CHRM3: variants seen among roughly 807,000 people sequenced by gnomAD.
CHRM3 encodes muscarinic acetylcholine receptor M3.
In CHRM3, 11 loss-of-function variants were observed where a neutral mutation model predicts 41.8. The ratio of observed to expected loss-of-function variants is 0.26; its 90% CI spans 0.17 to 0.44. The LOEUF is 0.44. Among genes scored for constraint, CHRM3 ranks in the 20% least tolerant of loss-of-function variants. The pLI is 1.00. For missense variants in CHRM3, 571 were observed against 745.4 expected (o/e 0.77, Z 2.72); for synonymous variants, 297 against 301.4 (o/e 0.99, Z 0.15).
intron 5 of CHRM3, among the ~76,000 whole-genome samples, chr1:239,804,380 G>A (rs1432700385): frequency 6.6e-6 from 1 of 151,906 alleles, no homozygotes; most frequent in Non-Finnish European, 1.5e-5. Context: ...ACTGCAATGT[G>A]GAAGTTGCTC....
At chr1:239,793,946 G>T (rs1669554443) in intron 5 of CHRM3, among the ~76,000 whole-genome samples, 1 of 149,938 alleles carries the variant, frequency 6.7e-6, no homozygotes. Context: ...CCAAATAGCT[G>T]GGACTAACAG....
At chr1:239,415,501 A>AT (rs1661424451) in intron 1 of CHRM3, among the ~76,000 whole-genome samples, 1 of 152,168 alleles carries the variant, frequency 6.6e-6, no homozygotes, top group African/African-American at 2.4e-5. Context: ...ATTAAGATAA[A>AT]TTAAGTCCAG....
chr1:239,874,764 T>C lies in CHRM3; in HGVS notation c.-19-32669T>C, dbSNP rs143105579. On this transcript the variant is annotated intron_variant, in intron 6 of 6. Coordinates refer to ENST00000676153, the MANE Select transcript of CHRM3 (RefSeq NM_001375978.1). ...CCCAGGCTGGAGTGCAATGGCGTGA[T>C]CTCGGCTCGCTGCAACCTCCACCTC... is the stretch of plus-strand genomic sequence containing the variant. 2.7e-3 allele frequency among the ~76,000 whole-genome samples: 414 copies of C among 152,030 alleles called. 16 individuals carry two copies. The East Asian group carries it at 0.065, about 24-fold the overall frequency.
At chr1:239,890,903 C>A (rs1431464604) in intron 6 of CHRM3, among the ~76,000 whole-genome samples, 1 of 152,110 alleles carries the variant, frequency 6.6e-6, no homozygotes, top group Non-Finnish European at 1.5e-5. Context: ...TCAGTAAGAT[C>A]CAACTGATAA....
intron 3 of CHRM3, among the ~76,000 whole-genome samples, chr1:239,617,303 A>G (rs1667739539): frequency 6.6e-6 from 1 of 152,174 alleles, no homozygotes; most frequent in South Asian, 2.1e-4. Context: ...AGTAGAATCT[A>G]GGAAATGTTG....
At chr1:239,885,484 T>C (rs547296499) in intron 6 of CHRM3, among the ~76,000 whole-genome samples, 1 of 152,172 alleles carries the variant, frequency 6.6e-6, no homozygotes, top group South Asian at 2.1e-4. Flanking sequence ...ATTAAGTGAG[T>C]CGGCTTTTTG....
At chr1:239,872,356 CCTT>C (rs1055624220) in intron 6 of CHRM3, among the ~76,000 whole-genome samples, 17 of 152,210 alleles carry the variant, frequency 1.1e-4, no homozygotes, top group African/African-American at 3.9e-4. Flanking sequence ...TCAGCTCAGA[CCTT>C]CTGTGACCAA....
At chr1:239,820,434 C>G (rs1769181) in intron 5 of CHRM3, among the ~76,000 whole-genome samples, 45,840 of 152,096 alleles carry the variant, frequency 0.3, 8,375 homozygotes, top group Non-Finnish European at 0.4. Context: ...GGCAGACTTT[C>G]GTCTTCCCTC....
intron 3 of CHRM3, among the ~76,000 whole-genome samples, chr1:239,547,866 T>G (rs1659444034): frequency 6.6e-6 from 1 of 151,542 alleles, no homozygotes; most frequent in Non-Finnish European, 1.5e-5. Context: ...AGCTTGAGTA[T>G]GGAATACTGA....
At chr1:239,864,379 C>T (rs376466963) in intron 6 of CHRM3, among the ~76,000 whole-genome samples, 16 of 152,096 alleles carry the variant, frequency 1.1e-4, no homozygotes, top group Admixed American at 2.6e-4. Flanking sequence ...TGGTGGCACA[C>T]GCCTGTAATC....
chr1:239,529,307 A>T (rs1263170595), intron 2 of CHRM3, among the ~76,000 whole-genome samples: 1 of 151,964 alleles, frequency 6.6e-6, no homozygotes, highest in Admixed American at 6.6e-5. Context: ...TAAATAACTG[A>T]TACATTATAA....
Position 239,910,936 on chromosome 1 carries a change from T to A in CHRM3, c.*1712T>A, listed in dbSNP as rs1680331615. The A allele has an allele frequency of 6.0e-6, 1 of 167,098 alleles. No individual in the cohort carries two copies. The highest frequency in any genetic ancestry group is 2.4e-5 in the African/African-American group (1 of 41,456). The allele number at this position is 167,098 out of a possible 1,614,324, so 10.4% of individuals were successfully genotyped here. A position where few individuals can be genotyped will look rare whatever the true frequency, so the allele number is the denominator to read the frequency against. ...ACTATTTAATTTCGTGTTATGTTTA[T>A]ATGCAGAAATATTTATGGATACTAC... On this transcript the variant is annotated 3_prime_UTR_variant, in exon 7 of 7. Coordinates refer to ENST00000676153, the MANE Select transcript of CHRM3 (RefSeq NM_001375978.1).
chr1:239,536,803 C>G (rs1372167740), intron 2 of CHRM3, among the ~76,000 whole-genome samples: 1 of 152,100 alleles, frequency 6.6e-6, no homozygotes, highest in African/African-American at 2.4e-5. Context: ...CTTTTGAGTA[C>G]TTGAGAGTTA....
intron 3 of CHRM3, among the ~76,000 whole-genome samples, chr1:239,592,355 G>A (rs993848366): frequency 9.2e-5 from 14 of 151,974 alleles, no homozygotes; most frequent in Non-Finnish European, 5.9e-5. Flanking sequence ...CAATTTAGTG[G>A]TGTTTAATGT....
chr1:239,413,465 T>A (rs1661268409), intron 1 of CHRM3, among the ~76,000 whole-genome samples: 1 of 152,150 alleles, frequency 6.6e-6, no homozygotes, highest in East Asian at 1.9e-4. Context: ...AATTTTGTAT[T>A]TTTGTAGAGA....
chr1:239,705,983 G>A (rs1661120900), intron 5 of CHRM3, among the ~76,000 whole-genome samples: 3 of 151,430 alleles, frequency 2.0e-5, no homozygotes, highest in South Asian at 2.1e-4. Context: ...ATTAAATGTT[G>A]TAAGTCTGAT....
intron 1 of CHRM3, among the ~76,000 whole-genome samples, chr1:239,440,698 C>G (rs574826522): frequency 1.3e-5 from 2 of 152,080 alleles, no homozygotes; most frequent in Non-Finnish European, 2.9e-5. Context: ...AAGCATTACT[C>G]GACATTTATC....
At chr1:239,585,052 A>AATATATATAT (rs71567251) in intron 3 of CHRM3, among the ~76,000 whole-genome samples, 8 of 144,802 alleles carry the variant, frequency 5.5e-5, no homozygotes, top group South Asian at 2.2e-4. Flanking sequence ...GCAACAATTA[A>AATATATATAT]ATATATATAT....
chr1:239,782,832 A>G (rs1668603522), intron 5 of CHRM3, among the ~76,000 whole-genome samples: 1 of 152,148 alleles, frequency 6.6e-6, no homozygotes, highest in African/African-American at 2.4e-5. Flanking sequence ...TTAGTTCAAA[A>G]TATTCCAAAT....
Sources: gnomAD v4.1 joint callset for allele counts (sites outside exome capture counted in the v4.1 genomes callset) on GRCh38, gnomAD v4.1.1 for gene constraint, MANE v1.5 for transcripts, NCBI Gene and HGNC (gene_info 2026-07-23, HGNC 2026-07-21) for gene names.